The following CSGALNACT1 variants were observed in gnomAD, a reference collection of about 807,000 sequenced individuals.
CSGALNACT1 encodes chondroitin sulfate N-acetylgalactosaminyltransferase 1, also known as beta4GalNAcT-1.
A neutral mutation model predicts 51.0 loss-of-function variants in CSGALNACT1; 52 were observed. That is an observed-to-expected ratio of 1.02 (90% CI 0.82 to 1.29). The LOEUF is 1.29. CSGALNACT1 is among the 50% of genes most tolerant of loss of function. CSGALNACT1 has a pLI of 0.00. For synonymous variants in CSGALNACT1, 341 were observed against 254.4 expected (o/e 1.34, Z -3.24); for missense variants, 935 against 679.2 (o/e 1.38, Z -4.19).
At chr8:19,511,927 A>G (rs901865711) in intron 3 of CSGALNACT1, among the ~76,000 whole-genome samples, 3 of 152,142 alleles carry the variant, frequency 2.0e-5, no homozygotes, top group African/African-American at 4.8e-5. Context: ...AAACAACCAG[A>G]TCTTGCGAAA....
At chr8:19,498,912 A>G (rs2075946677) in intron 4 of CSGALNACT1, among the ~76,000 whole-genome samples, 1 of 152,208 alleles carries the variant, frequency 6.6e-6, no homozygotes, top group South Asian at 2.1e-4. Flanking sequence ...CCAGGAGCTC[A>G]AGACCAGCCT....
upstream of CSGALNACT1, among the ~76,000 whole-genome samples, chr8:19,687,143 A>G (rs2061022434): frequency 6.6e-6 from 1 of 152,174 alleles, no homozygotes; most frequent in African/African-American, 2.4e-5. Context: ...ATGAGAGTGT[A>G]TTTGTGACGT....
At chr8:19,681,541 T>A (rs918683984) in intron 1 of CSGALNACT1, among the ~76,000 whole-genome samples, 1 of 152,140 alleles carries the variant, frequency 6.6e-6, no homozygotes, top group Non-Finnish European at 1.5e-5. Context: ...TGGGTCTGCA[T>A]CAGGTAAGTG....
intron 1 of CSGALNACT1, among the ~76,000 whole-genome samples, chr8:19,742,986 C>T (rs1419886015): frequency 6.6e-6 from 1 of 152,178 alleles, no homozygotes; most frequent in Admixed American, 6.5e-5. Context: ...CTATACATTC[C>T]CTTCCCTTGT....
At chr8:19,451,409 T>A (rs2063161392) in intron 5 of CSGALNACT1, among the ~76,000 whole-genome samples, 1 of 152,224 alleles carries the variant, frequency 6.6e-6, no homozygotes, top group Admixed American at 6.5e-5. Flanking sequence ...AAACTTGTAT[T>A]TTTTAAAACA....
intron 3 of CSGALNACT1, among the ~76,000 whole-genome samples, chr8:19,528,316 C>T (rs1007676965): frequency 6.6e-6 from 1 of 151,766 alleles, no homozygotes; most frequent in African/African-American, 2.4e-5. Context: ...TATTCAGAAG[C>T]TTGCCTGACA....
chr8:19,603,972 T>C (rs183962383), upstream of CSGALNACT1, among the ~76,000 whole-genome samples: 1 of 152,334 alleles, frequency 6.6e-6, no homozygotes, highest in East Asian at 1.9e-4. Context: ...CCCTGGAGTG[T>C]GTGGTACTAG....
At chr8:19,514,563 G>A (rs1026963993) in intron 3 of CSGALNACT1, among the ~76,000 whole-genome samples, 10 of 142,236 alleles carry the variant, frequency 7.0e-5, no homozygotes, top group Non-Finnish European at 9.0e-5. Flanking sequence ...GCTCTCGCCT[G>A]TAATCCTAGT....
At chr8:19,584,074 T>C (rs1253429589) in intron 3 of CSGALNACT1, among the ~76,000 whole-genome samples, 2 of 152,188 alleles carry the variant, frequency 1.3e-5, no homozygotes, top group Non-Finnish European at 2.9e-5. Flanking sequence ...AATACTCCAA[T>C]TAAAGGCAAC....
intron 1 of CSGALNACT1, among the ~76,000 whole-genome samples, chr8:19,704,307 T>A (rs2062039363): frequency 6.6e-6 from 1 of 152,218 alleles, no homozygotes; most frequent in Non-Finnish European, 1.5e-5. Context: ...GAGAAGAAAT[T>A]TTGAATTTTT....
chr8:19,726,937 T>C (rs1427759942), intron 1 of CSGALNACT1, among the ~76,000 whole-genome samples: 1 of 152,172 alleles, frequency 6.6e-6, no homozygotes, highest in Non-Finnish European at 1.5e-5. Flanking sequence ...TCTAGAAGCT[T>C]CTAGACAGCA....
chr8:19,469,462 G>C (rs2067570594), intron 4 of CSGALNACT1, among the ~76,000 whole-genome samples: 1 of 152,102 alleles, frequency 6.6e-6, no homozygotes, highest in African/African-American at 2.4e-5. Context: ...CCATCCACAG[G>C]TAGTCTTATC....
intron 3 of CSGALNACT1, among the ~76,000 whole-genome samples, chr8:19,581,877 C>T (rs1289589764): frequency 6.6e-6 from 1 of 152,152 alleles, no homozygotes; most frequent in Non-Finnish European, 1.5e-5. Flanking sequence ...AAATGGTGAG[C>T]TCACTATAAT....
At chr8:19,524,862 C>G (rs1387226771) in intron 3 of CSGALNACT1, among the ~76,000 whole-genome samples, 1 of 152,054 alleles carries the variant, frequency 6.6e-6, no homozygotes, top group East Asian at 1.9e-4. Flanking sequence ...TGGAACATCC[C>G]ACAGCCTCAG....
At chr8:19,423,883 C>T (rs1490959321) in intron 6 of CSGALNACT1, among the ~76,000 whole-genome samples, 2 of 152,218 alleles carry the variant, frequency 1.3e-5, no homozygotes, top group African/African-American at 2.4e-5. Context: ...TGTCCACAGG[C>T]TGCACAGAAA....
At chr8:19,571,277 T>C (rs2042965786) in intron 3 of CSGALNACT1, among the ~76,000 whole-genome samples, 1 of 152,132 alleles carries the variant, frequency 6.6e-6, no homozygotes, top group South Asian at 2.1e-4. Flanking sequence ...CCGTATCCGA[T>C]ATAACTAAGA....
chr8:19,751,489 T>G (rs2065023439), intron 1 of CSGALNACT1, among the ~76,000 whole-genome samples: 1 of 152,170 alleles, frequency 6.6e-6, no homozygotes, highest in South Asian at 2.1e-4. Context: ...AGCGCTAAGT[T>G]TACCTGAATC....
At chr8:19,468,094 T>G (rs1226533610) in intron 4 of CSGALNACT1, among the ~76,000 whole-genome samples, 2 of 152,160 alleles carry the variant, frequency 1.3e-5, no homozygotes, top group Non-Finnish European at 2.9e-5. Context: ...GATAAATGCT[T>G]AACAGAGTCT....
intron 5 of CSGALNACT1, among the ~76,000 whole-genome samples, chr8:19,440,333 A>T (rs1365596285): frequency 6.6e-6 from 1 of 152,038 alleles, no homozygotes; most frequent in Non-Finnish European, 1.5e-5. Context: ...ATACTGGCAA[A>T]CCGAATTCAG....
Sources: allele counts gnomAD v4.1 joint callset (sites outside exome capture counted in the v4.1 genomes callset), GRCh38; gene constraint gnomAD v4.1.1; transcripts MANE v1.5; gene names NCBI Gene and HGNC (gene_info 2026-07-23, HGNC 2026-07-21).